HIP1R: variants seen among roughly 807,000 people sequenced by gnomAD.
The protein encoded by HIP1R is huntingtin interacting protein 1 related, also known as huntingtin-interacting protein 1-related protein.
HIP1R carries 135 observed loss-of-function variants against 144.2 expected under a neutral mutation model. The observed-to-expected ratio is 0.94, with a 90% CI of 0.81 to 1.08. The LOEUF is 1.08. Among genes scored for constraint, HIP1R ranks in the 50% least tolerant of loss-of-function variants. The pLI is 0.00. For synonymous variants in HIP1R, 698 were observed against 612.8 expected (o/e 1.14, Z -2.05); for missense variants, 1,462 against 1,432.8 (o/e 1.02, Z -0.33).
intron 1 of HIP1R, among the ~76,000 whole-genome samples, chr12:122,837,556 C>T (rs920260875): frequency 1.3e-5 from 2 of 152,114 alleles, no homozygotes; most frequent in Admixed American, 6.5e-5. Flanking sequence ...TGACCTCAGG[C>T]GATCCACCCG....
chr12:122,857,490 G>T lies in HIP1R; in HGVS notation c.1815+275G>T. 9.0e-6 allele frequency: 5 copies of T among 556,602 alleles called. No individual in the cohort carries two copies. In the South Asian group the frequency reaches 1.0e-4, roughly 11 times the overall value. 34.5% of individuals were successfully genotyped at this position (556,602 alleles called of 1,614,324 possible). On this transcript the variant is annotated intron_variant, in intron 18 of 31. Transcript: ENST00000253083. ...TCTGTTCATCACTTGGTGGACATTG[G>T]GTTTGTTGCAACTTTCTGGCTGTTG...
At position 122,857,097 on chromosome 12, in the gene HIP1R, G is replaced by A. The variant is rs759599791; in HGVS notation, c.1697G>A (p.Arg566Gln). 7.5e-5 allele frequency: 116 copies of A among 1,551,152 alleles called. No individual in the cohort carries two copies. The highest frequency in any genetic ancestry group is 2.8e-5 in the Non-Finnish European group (32 of 1,147,436). The change falls in exon 18 of 32, where the codon CGG (arginine) becomes CAG (glutamine). Residue 566 changes from arginine (R) to glutamine (Q), a missense_variant. Transcript: ENST00000253083. ...GCTCTGAGTGGAGCTGTGCGGCAGC[G>A]GGAGGCAGACCTGCTGGCGGCGCAG... ...KDALSGAVRQREADLLAAQSL... is the reference protein window; with the variant it reads ...KDALSGAVRQQEADLLAAQSL...
chr12:122,839,424 A>G (rs538199779), intron 1 of HIP1R, among the ~76,000 whole-genome samples: 3 of 152,166 alleles, frequency 2.0e-5, no homozygotes, highest in Non-Finnish European at 4.4e-5. Flanking sequence ...ACATGAAACT[A>G]CCCAGGTGTA....
At chr12:122,846,437 TATC>T (rs987165196) in intron 1 of HIP1R, among the ~76,000 whole-genome samples, 1 of 152,104 alleles carries the variant, frequency 6.6e-6, no homozygotes, top group Non-Finnish European at 1.5e-5. Context: ...TCAGGATCCT[TATC>T]ATCATAGCTG....
At position 122,840,055 on chromosome 12, in the gene HIP1R, GACATCCTCTGCTCGGTTCC is replaced by G. The variant is rs1472443389; in HGVS notation, c.93+4415_93+4433del. ...CATGCGCACTGCTGTCTCGCCCCGTGACATCCTCTGCTCGGTTCCACCCCATCAGCCCACATGGTGATGC... is the reference window on the plus strand; with the variant it reads ...CATGCGCACTGCTGTCTCGCCCCGTGACCCCATCAGCCCACATGGTGATGC... On this transcript the variant is annotated intron_variant, in intron 1 of 31. Coordinates refer to ENST00000253083, the MANE Select transcript of HIP1R (RefSeq NM_003959.3). The surrounding 1 kb of genome is among the most constrained non-coding windows in gnomAD (Gnocchi z 4.2). 6.6e-6 allele frequency among the ~76,000 whole-genome samples: 1 copy of G among 152,268 alleles called. No individual in the cohort carries two copies. The highest frequency in any genetic ancestry group is 2.4e-5 in the African/African-American group (1 of 41,474).
At chr12:122,859,705 G>T in intron 23 of HIP1R, 67 bp from the exon 24 acceptor site, 1 of 1,562,452 alleles carries the variant, frequency 6.4e-7, no homozygotes, top group Non-Finnish European at 8.8e-7. Flanking sequence ...GCAGGAGGCA[G>T]CCCTGGCTTT....
chr12:122,858,506 C>T, intron 20 of HIP1R, 71 bp downstream of exon 20: 2 of 1,294,774 alleles, frequency 1.5e-6, no homozygotes, highest in Non-Finnish European at 2.1e-6. Flanking sequence ...CACCTCTTGC[C>T]TTTTGGGAGG....
At position 122,856,481 on chromosome 12, in the gene HIP1R, A is replaced by T. The variant is rs1411070122; in HGVS notation, c.1451A>T (p.Glu484Val). Residue 484 changes from glutamate to valine, a missense_variant, in exon 16 of 32, where the codon GAG (glutamate) becomes GTG (valine). Transcript: ENST00000253083. ...QLTVTQQSQE[E>V]VARVKEQLAF... is the part of the protein sequence containing the mutation. ...ACGGTGACGCAGCAAAGCCAGGAGG[A>T]GGTGGCGCGGGTGAAGGAGCAGCTG... The T allele has an allele frequency of 5.7e-6, 9 of 1,590,420 alleles. No homozygotes were observed. The highest frequency in any genetic ancestry group is 7.7e-6 in the Non-Finnish European group (9 of 1,167,886).
At chr12:122,848,258 A>G (rs1473987092) in intron 2 of HIP1R, among the ~76,000 whole-genome samples, 164 bp downstream of exon 2, 4 of 152,126 alleles carry the variant, frequency 2.6e-5, no homozygotes, top group Admixed American at 1.3e-4. Flanking sequence ...CAGTCTCATC[A>G]CAAAAACGCC....
intron 1 of HIP1R, among the ~76,000 whole-genome samples, chr12:122,837,355 G>A (rs1220376332): frequency 2.7e-5 from 4 of 148,768 alleles, no homozygotes; most frequent in South Asian, 4.2e-4. Flanking sequence ...AGTCTCTCTC[G>A]TTGCCCAGGC....
chr12:122,860,867 C>CT (rs2033748344), intron 28 of HIP1R, 49 bp from the exon 29 acceptor site: 3 of 1,596,662 alleles, frequency 1.9e-6, no homozygotes, highest in Non-Finnish European at 2.6e-6. Context: ...AGGCCTGCTG[C>CT]TGCCCTGAGC....
chr12:122,835,284 C>T (rs1478426340), upstream of HIP1R: 24 of 302,514 alleles, frequency 7.9e-5, no homozygotes, highest in African/African-American at 1.3e-3. Context: ...CCCGAGATCG[C>T]GGGGGGTGGG....
At chr12:122,853,180 G>C (rs2033451033) in intron 7 of HIP1R, among the ~76,000 whole-genome samples, 1 of 152,104 alleles carries the variant, frequency 6.6e-6, no homozygotes, top group Admixed American at 6.5e-5. Context: ...TTTGTCCTTT[G>C]TCCCTCCCAC....
Position 122,858,216 on chromosome 12 carries a change from G to T in HIP1R, c.1930G>T (p.Asp644Tyr). 6.2e-7 allele frequency: 1 copy of T among 1,606,922 alleles called. No homozygotes were observed. The highest frequency in any genetic ancestry group is 8.5e-7 in the Non-Finnish European group (1 of 1,176,242). Residue 644 changes from aspartate to tyrosine, a missense_variant, in exon 19 of 32, where the codon GAC becomes TAC. Around this residue, in one of 2 missense-constraint regions of HIP1R, gnomAD observed 1,112 missense variants for 1,011.7 expected, o/e 1.10. Coordinates refer to ENST00000253083, the MANE Select transcript of HIP1R (RefSeq NM_003959.3). ...GCAGGATGCCGTGAGCAAGCTGGACGACCCCCTGCACCTGCGCTGTACCAG... is the reference window on the plus strand; with the variant it reads ...GCAGGATGCCGTGAGCAAGCTGGACTACCCCCTGCACCTGCGCTGTACCAG... ...ILQDAVSKLDDPLHLRCTSSP... is the reference protein window; with the variant it reads ...ILQDAVSKLDYPLHLRCTSSP...
chr12:122,850,183 G>C (rs986190714), intron 5 of HIP1R: 1 of 663,616 alleles, frequency 1.5e-6, no homozygotes, highest in African/African-American at 1.8e-5. Context: ...GCTTCCCCAG[G>C]CGTTTCTGTG....
intron 1 of HIP1R, among the ~76,000 whole-genome samples, chr12:122,838,037 G>C (rs959625902): frequency 1.3e-5 from 2 of 151,972 alleles, no homozygotes; most frequent in Non-Finnish European, 2.9e-5. Flanking sequence ...GGAGCACTAG[G>C]CTGGCTTAGA....
chr12:122,837,092 G>A (rs1376629289), intron 1 of HIP1R, among the ~76,000 whole-genome samples: 1 of 152,178 alleles, frequency 6.6e-6, no homozygotes, highest in East Asian at 1.9e-4. Flanking sequence ...GACATATCTG[G>A]ATGTTGTCAG....
intron 5 of HIP1R, 154 bp downstream of exon 5, chr12:122,850,109 G>T: frequency 2.8e-6 from 2 of 707,582 alleles, no homozygotes; most frequent in Non-Finnish European, 2.6e-6. Context: ...AAGGGGAGAC[G>T]GGGAAGCCAG....
At position 122,858,416 on chromosome 12, in the gene HIP1R, G is replaced by C. The variant is rs375460235; in HGVS notation, c.2031G>C (p.Gln677His). 2.5e-6 allele frequency: 4 copies of C among 1,607,980 alleles called. No individual in the cohort carries two copies. The African/African-American group carries it at 4.0e-5, about 16-fold the overall frequency. ...GCACCCTGGAGGAGGGCCACGCCCA[G>C]TACCTGACCTCCTTGGCAGGTGAGT... ...AVSTLEEGHA[Q>H]YLTSLADASA... Residue 677 changes from glutamine to histidine, a missense_variant, in exon 20 of 32, where the codon CAG (glutamine) becomes CAC (histidine). Physicochemically the swap from Gln to His is conservative, Grantham distance 24. Around this residue, in one of 2 missense-constraint regions of HIP1R, gnomAD observed 1,112 missense variants for 1,011.7 expected, o/e 1.10. Transcript: ENST00000253083.
Sources: allele counts gnomAD v4.1 joint callset (sites outside exome capture counted in the v4.1 genomes callset), GRCh38; gene constraint gnomAD v4.1.1; regional missense constraint gnomAD v4.1.1; non-coding constraint Gnocchi (gnomAD v3.1); transcripts MANE v1.5; gene names NCBI Gene and HGNC (gene_info 2026-07-23, HGNC 2026-07-21).